The following SLC9C1 variants were observed in gnomAD, a reference collection of about 807,000 sequenced individuals.
SLC9C1 encodes the protein solute carrier family 9 member C1.
SLC9C1 carries 97 observed loss-of-function variants against 140.9 expected under a neutral mutation model. The observed-to-expected ratio is 0.69, with a 90% CI of 0.58 to 0.82. SLC9C1 has a LOEUF of 0.82. SLC9C1 is among the 40% of genes least tolerant of loss of function. SLC9C1 has a pLI of 0.00. For missense variants in SLC9C1, 1,340 were observed against 1,389.3 expected, an observed-to-expected ratio of 0.96 and a Z score of 0.56; for synonymous variants, 440 against 442.6, an observed-to-expected ratio of 0.99 and a Z score of 0.07.
rs536051877 is a variant in SLC9C1, at chr3:112,229,134, G to A, written c.1572+2227C>T. Among the ~76,000 whole-genome samples, 82 of 152,196 alleles carry A rather than the reference G, an allele frequency of 5.4e-4. 2 individuals are homozygous for A. The highest frequency in any genetic ancestry group is 5.2e-3 in the Admixed American group (80 of 15,266). ...GGAAGCTATAAAAGTTGACCTCATA[G>A]AAGTAGAGTAGAATAGTGGCTCCAA... On this transcript the variant is annotated intron_variant, in intron 13 of 28. Coordinates refer to ENST00000305815, the MANE Select transcript of SLC9C1 (RefSeq NM_183061.3).
chr3:112,244,100 T>C, intron 10 of SLC9C1, 24 bp from the exon 11 acceptor site: 1 of 1,444,072 alleles, frequency 6.9e-7, no homozygotes, highest in South Asian at 1.2e-5. Context: ...AAATACAAAG[T>C]AAGTATTCAT....
rs530858970 is a variant in SLC9C1, at chr3:112,226,692, A to C, written c.1572+4669T>G. Among the ~76,000 whole-genome samples, 13 of 149,804 alleles carry C rather than the reference A, an allele frequency of 8.7e-5. No homozygotes were observed. In the East Asian group the frequency reaches 2.0e-3, roughly 23 times the overall value. On this transcript the variant is annotated intron_variant, in intron 13 of 28. Transcript: ENST00000305815. The stretch of plus-strand genomic sequence containing the variant: ...AGCCAAGATTGCACCACTGCAATCC[A>C]GCCTGGGCGATAGAGTAAGACTCCA...
chr3:112,269,520 A>G (rs1351446595), intron 7 of SLC9C1, among the ~76,000 whole-genome samples: 4 of 152,204 alleles, frequency 2.6e-5, no homozygotes, highest in African/African-American at 9.6e-5. Flanking sequence ...GTCTACAGGT[A>G]TATGTAAAGG....
chr3:112,175,815 G>A (rs189048228), intron 23 of SLC9C1, among the ~76,000 whole-genome samples: 6 of 152,320 alleles, frequency 3.9e-5, no homozygotes, highest in African/African-American at 1.2e-4. Context: ...AACAGTGGTT[G>A]AGGCTGTGAA....
chr3:112,160,266 G>GT (rs1035529974), intron 26 of SLC9C1, among the ~76,000 whole-genome samples: 2 of 147,434 alleles, frequency 1.4e-5, no homozygotes, highest in Non-Finnish European at 3.0e-5. Flanking sequence ...ATTTTTTTAA[G>GT]TTTTTTTTCT....
In SLC9C1 at chr3:112,231,402, C is replaced by T; in HGVS notation, c.1531G>A (p.Ala511Thr). 2 of 1,613,396 alleles carry T rather than the reference C, an allele frequency of 1.2e-6. No individual in the cohort carries two copies. Among genetic ancestry groups the T allele is most frequent in the Non-Finnish European group, 1.7e-6 (2 of 1,179,660 alleles). ...KEIDEIFNTE[A>T]MELANRRLLS... is the part of the protein sequence containing the mutation. ...AGACGCCTGTTGGCCAGCTCCATTG[C>T]TTCAGTGTTAAAGATCTCATCTATT... Residue 511 changes from alanine to threonine, a missense_variant, in exon 13 of 29, where the codon GCA becomes ACA. Coordinates refer to ENST00000305815, the MANE Select transcript of SLC9C1 (RefSeq NM_183061.3).
At chr3:112,242,297 G>C (rs977864559) in intron 11 of SLC9C1, among the ~76,000 whole-genome samples, 1 of 152,078 alleles carries the variant, frequency 6.6e-6, no homozygotes, top group Admixed American at 6.6e-5. Flanking sequence ...TCCATCAACA[G>C]ATGAATGGAT....
At position 112,266,235 on chromosome 3, in the gene SLC9C1, T is replaced by TA; in HGVS notation, c.878+2dup. The stretch of plus-strand genomic sequence containing the variant: ...ATAAAGTCAAAATATGCTATCCACT[T>TA]ACTCAAGAAGAAGTGTTTCTTCAAT... On this transcript the variant is annotated splice_region_variant and intron_variant, in intron 8 of 28. Coordinates refer to ENST00000305815, the MANE Select transcript of SLC9C1 (RefSeq NM_183061.3). 1 of 1,589,236 alleles carries TA rather than the reference T, an allele frequency of 6.3e-7. No individual in the cohort carries two copies. Among genetic ancestry groups the TA allele is most frequent in the South Asian group, 1.1e-5 (1 of 88,626 alleles).
chr3:112,223,169 A>G (rs1164506099), intron 13 of SLC9C1, among the ~76,000 whole-genome samples: 1 of 152,174 alleles, frequency 6.6e-6, no homozygotes, highest in Non-Finnish European at 1.5e-5. Context: ...CAAAACTTAA[A>G]GTGTGAAAGT....
At chr3:112,169,798 A>G (rs1018606944) in intron 23 of SLC9C1, among the ~76,000 whole-genome samples, 6 of 152,244 alleles carry the variant, frequency 3.9e-5, no homozygotes, top group Middle Eastern at 3.4e-3. Context: ...ATTGCATTCA[A>G]TCTATAGGTT....
At chr3:112,276,906 T>C (rs1175161051) in intron 5 of SLC9C1, among the ~76,000 whole-genome samples, 4 of 152,092 alleles carry the variant, frequency 2.6e-5, no homozygotes, top group Non-Finnish European at 5.9e-5. Flanking sequence ...TATTTACACT[T>C]GATGTGTCTC....
chr3:112,220,954 A>G (rs2078523661), intron 14 of SLC9C1, among the ~76,000 whole-genome samples, 174 bp downstream of exon 14: 1 of 152,168 alleles, frequency 6.6e-6, no homozygotes, highest in African/African-American at 2.4e-5. Flanking sequence ...AACTGAAAAT[A>G]GGTAGTTTGG....
intron 14 of SLC9C1, among the ~76,000 whole-genome samples, chr3:112,218,275 G>A (rs2078442237): frequency 6.6e-6 from 1 of 151,168 alleles, no homozygotes; most frequent in Admixed American, 6.6e-5. Context: ...ACCTGCTGCT[G>A]ACCAGATACT....
chr3:112,225,698 GC>G (rs1246712646), intron 13 of SLC9C1, among the ~76,000 whole-genome samples: 1 of 152,010 alleles, frequency 6.6e-6, no homozygotes, highest in Non-Finnish European at 1.5e-5. Flanking sequence ...CTGTAAAGAC[GC>G]CCACAGACTG....
intron 20 of SLC9C1, among the ~76,000 whole-genome samples, chr3:112,193,256 C>T (rs1322138978): frequency 6.6e-6 from 1 of 152,182 alleles, no homozygotes; most frequent in East Asian, 1.9e-4. Context: ...GTCTGGATCA[C>T]TAGGGTTGGA....
intron 20 of SLC9C1, among the ~76,000 whole-genome samples, chr3:112,198,161 C>T (rs941664354): frequency 1.8e-4 from 27 of 152,030 alleles, no homozygotes; most frequent in African/African-American, 5.5e-4. Context: ...GTTCTTGCCA[C>T]ATAGGTGTTA....
chr3:112,274,998 A>C lies in SLC9C1; in HGVS notation c.512T>G (p.Ile171Ser). The change falls in exon 6 of 29, where the codon ATT becomes AGT. Residue 171 changes from isoleucine (I) to serine (S), a missense_variant. Physicochemically the swap from Ile to Ser is moderately radical, Grantham distance 142 (BLOSUM62 -2). Coordinates refer to ENST00000305815, the MANE Select transcript of SLC9C1 (RefSeq NM_183061.3). Reference sequence around the variant, plus strand: ...AGAGGTCATCAGACTTTCTCCATTAATTAAACTGATGAGGCTTCTAGAAAG... The same window carrying C: ...AGAGGTCATCAGACTTTCTCCATTACTTAAACTGATGAGGCTTCTAGAAAG... ...LGLSRSLISL[I>S]NGESLMTSVI... The C allele has an allele frequency of 6.3e-7, 1 of 1,577,490 alleles. No homozygotes were observed. The highest frequency in any genetic ancestry group is 8.6e-7 in the Non-Finnish European group (1 of 1,169,260).
intron 1 of SLC9C1, among the ~76,000 whole-genome samples, chr3:112,289,405 T>C (rs558117951): frequency 1.5e-4 from 23 of 152,302 alleles, no homozygotes; most frequent in African/African-American, 4.8e-4. Context: ...AATTCCGTGA[T>C]TGAGTATTCA....
intron 27 of SLC9C1, 44 bp from the exon 28 acceptor site, chr3:112,152,007 T>C (rs776522555): frequency 1.3e-6 from 2 of 1,488,478 alleles, no homozygotes; most frequent in African/African-American, 2.9e-5. Flanking sequence ...TGATAGGCCT[T>C]TTGAAGGGGG....
Sources: allele counts gnomAD v4.1 joint callset (sites outside exome capture counted in the v4.1 genomes callset), GRCh38; gene constraint gnomAD v4.1.1; transcripts MANE v1.5; gene names NCBI Gene and HGNC (gene_info 2026-07-23, HGNC 2026-07-21).